Variants in KLHL41 observed in about 807,000 individuals in gnomAD.
KLHL41 encodes the protein kelch like family member 41.
KLHL41 carries 31 observed loss-of-function variants against 49.2 expected under a neutral mutation model. That is an observed-to-expected ratio of 0.63 (90% CI 0.47 to 0.85). The LOEUF (loss-of-function observed/expected upper bound fraction) is 0.85. KLHL41 is among the 40% of genes least tolerant of loss of function. The pLI, the probability that KLHL41 is intolerant of heterozygous loss-of-function variation, is 0.00. For synonymous variants in KLHL41, 218 were observed against 258.5 expected (o/e 0.84, Z 1.50); for missense variants, 663 against 726.7 (o/e 0.91, Z 1.01).
Position 169,525,591 on chromosome 2 carries a change from AGAT to A in KLHL41, c.1720_1722del (p.Asp574del). The A allele has an allele frequency of 6.3e-7, 1 of 1,599,294 alleles. No individual in the cohort carries two copies. The highest frequency in any genetic ancestry group is 1.7e-5 in the Admixed American group (1 of 59,986). ...TTTTTTTTTCCTCCATCAGGTATGA[AGAT>A]GATAAAAAAGAATGGGCTGGGATGT... On this transcript the variant is annotated inframe_deletion, in exon 6 of 6. Transcript: ENST00000284669.
chr2:169,512,934 T>C (rs920450567), intron 1 of KLHL41, among the ~76,000 whole-genome samples: 4 of 152,180 alleles, frequency 2.6e-5, no homozygotes, highest in African/African-American at 9.6e-5. Flanking sequence ...AATTAATAGA[T>C]TCATCAAATC....
In KLHL41 at chr2:169,509,702, C is replaced by A; in HGVS notation, c.-77C>A. The A allele has an allele frequency of 6.9e-7, 1 of 1,454,434 alleles. No individual in the cohort carries two copies. The highest frequency in any genetic ancestry group is 9.2e-7 in the Non-Finnish European group (1 of 1,087,256). 90.1% of individuals were successfully genotyped at this position (1,454,434 alleles called of 1,614,324 possible). On this transcript the variant is annotated 5_prime_UTR_variant, in exon 1 of 6. Transcript: ENST00000284669. ...AGCTGGGCAAAGCACACTGATCTGC[C>A]TTTTTACAGCTAGACCTGTGTGCTG...
chr2:169,525,501 C>CAAAG, intron 5 of KLHL41, 84 bp from the exon 6 acceptor site: 1 of 833,250 alleles, frequency 1.2e-6, no homozygotes, highest in Non-Finnish European at 2.0e-6. Context: ...AGGGTTTTTT[C>CAAAG]AAAGATCCAC....
Position 169,510,288 on chromosome 2 carries a change from C to G in KLHL41, c.510C>G (p.Asp170Glu). 6.2e-7 allele frequency: 1 copy of G among 1,614,018 alleles called. No individual in the cohort carries two copies. Among genetic ancestry groups the G allele is most frequent in the Non-Finnish European group, 8.5e-7 (1 of 1,180,024 alleles). The change falls in exon 1 of 6, where the codon GAC (aspartate) becomes GAG (glutamate). Residue 170 changes from aspartate (D) to glutamate (E), a missense_variant. Asp to Glu is a conservative substitution (Grantham distance 45). Transcript: ENST00000284669. The surrounding 1 kb of genome is among the most constrained non-coding windows in gnomAD (Gnocchi z 4.2). ...TTGTACAGATTTGTAAGGAAGAGGA[C>G]TTTATGCAACTGTCTCCACAGGAAC... ...DRFVQICKEE[D>E]FMQLSPQELI... is the part of the protein sequence containing the mutation.
Position 169,525,933 on chromosome 2 carries a change from G to A in KLHL41, c.*237G>A, listed in dbSNP as rs1278462132. On this transcript the variant is annotated 3_prime_UTR_variant, in exon 6 of 6. Coordinates refer to ENST00000284669, the MANE Select transcript of KLHL41 (RefSeq NM_006063.3). Reference sequence around the variant, plus strand: ...AATCTTCAGTTGAACAAATTATTTTGTGAATCTGTTTCACTCAATGGATTG... The same window carrying A: ...AATCTTCAGTTGAACAAATTATTTTATGAATCTGTTTCACTCAATGGATTG... The A allele has an allele frequency of 3.1e-5, 10 of 322,622 alleles. No individual in the cohort carries two copies. The highest frequency in any genetic ancestry group is 5.6e-5 in the Non-Finnish European group (10 of 178,030). The allele number at this position is 322,622 out of a possible 1,614,324, so 20.0% of individuals were successfully genotyped here. A position where few individuals can be genotyped will look rare whatever the true frequency, so the allele number is the denominator to read the frequency against.
At chr2:169,511,985 GTT>G (rs1393531681) in intron 1 of KLHL41, among the ~76,000 whole-genome samples, 2 of 152,160 alleles carry the variant, frequency 1.3e-5, no homozygotes, top group African/African-American at 4.8e-5. Flanking sequence ...GCTCAAAAGA[GTT>G]TGTTTAGGTC....
intron 4 of KLHL41, 32 bp downstream of exon 4, chr2:169,518,407 G>T: frequency 6.8e-7 from 1 of 1,460,264 alleles, no homozygotes; most frequent in Non-Finnish European, 9.4e-7. Context: ...TATAGCATGT[G>T]AACAACTATA....
intron 5 of KLHL41, among the ~76,000 whole-genome samples, chr2:169,524,955 C>T (rs1684278885): frequency 6.6e-6 from 1 of 152,108 alleles, no homozygotes; most frequent in Non-Finnish European, 1.5e-5. Context: ...TTCCAGGCAC[C>T]AGGCAGAGCA....
Position 169,510,297 on chromosome 2 carries a change from A to G in KLHL41, c.519A>G (p.Gln173=), listed in dbSNP as rs144844327. 4.3e-4 allele frequency: 695 copies of G among 1,614,108 alleles called. 2 individuals carry two copies. In the African/African-American group the frequency reaches 8.0e-3, roughly 19 times the overall value. ...VQICKEEDFM[Q]LSPQELISVI... ...TTTGTAAGGAAGAGGACTTTATGCA[A>G]CTGTCTCCACAGGAACTGATCTCAG... The change falls in exon 1 of 6, where the codon CAA becomes CAG. Residue 173 remains glutamine, a synonymous_variant. Transcript: ENST00000284669. The surrounding 1 kb of genome is among the most constrained non-coding windows in gnomAD (Gnocchi z 4.2).
At chr2:169,515,280 G>A (rs1203921516) in intron 3 of KLHL41, among the ~76,000 whole-genome samples, 3 of 152,026 alleles carry the variant, frequency 2.0e-5, no homozygotes, top group Non-Finnish European at 4.4e-5. Context: ...TGATCTGCCC[G>A]CTTCAGCCTC....
intron 4 of KLHL41, among the ~76,000 whole-genome samples, chr2:169,518,593 A>G (rs1018477643): frequency 2.0e-5 from 3 of 152,192 alleles, no homozygotes; most frequent in Admixed American, 6.5e-5. Context: ...TCTGGAACAC[A>G]TGACCCTTAA....
Position 169,509,795 on chromosome 2 carries a change from A to C in KLHL41, c.17A>C (p.Glu6Ala). The change falls in exon 1 of 6, where the codon GAA becomes GCA. Residue 6 changes from glutamate to alanine, a missense_variant. By Grantham distance (107) the Glu-to-Ala change is moderately radical. Coordinates refer to ENST00000284669, the MANE Select transcript of KLHL41 (RefSeq NM_006063.3). MDSQRELAEELRLYQS... is the reference protein window; with the variant it reads MDSQRALAEELRLYQS... Reference sequence around the variant, plus strand: ...TCTCACAGAATGGATTCCCAGCGGGAACTTGCAGAGGAACTGCGGCTTTAC... The same window carrying C: ...TCTCACAGAATGGATTCCCAGCGGGCACTTGCAGAGGAACTGCGGCTTTAC... 1 of 1,611,440 alleles carries C rather than the reference A, an allele frequency of 6.2e-7. No homozygotes were observed. Among genetic ancestry groups the C allele is most frequent in the Non-Finnish European group, 8.5e-7 (1 of 1,179,476 alleles).
chr2:169,512,064 A>T (rs546515361), intron 1 of KLHL41, among the ~76,000 whole-genome samples: 1 of 152,218 alleles, frequency 6.6e-6, no homozygotes, highest in Admixed American at 6.5e-5. Context: ...CAAGTATACA[A>T]TGTCATACCA....
chr2:169,520,890 A>C lies in KLHL41; in HGVS notation c.1592A>C (p.Glu531Ala). The C allele has an allele frequency of 6.2e-7, 1 of 1,613,296 alleles. No homozygotes were observed. The highest frequency in any genetic ancestry group is 8.5e-7 in the Non-Finnish European group (1 of 1,179,454). ...KWDVMTEFPQ[E>A]RSSISLVSLA... ...GATGTAATGACCGAATTTCCCCAAGAAAGAAGCTCCATCAGTTTGGTCAGC... is the reference window on the plus strand; with the variant it reads ...GATGTAATGACCGAATTTCCCCAAGCAAGAAGCTCCATCAGTTTGGTCAGC... The change falls in exon 5 of 6, where the codon GAA becomes GCA. Residue 531 changes from glutamate (E) to alanine (A), a missense_variant. Physicochemically the swap from Glu to Ala is moderately radical, Grantham distance 107. Coordinates refer to ENST00000284669, the MANE Select transcript of KLHL41 (RefSeq NM_006063.3).
chr2:169,514,512 T>C (rs1684079747), intron 1 of KLHL41, 62 bp from the exon 2 acceptor site: 1 of 1,404,808 alleles, frequency 7.1e-7, no homozygotes, highest in African/African-American at 1.4e-5. Context: ...TATAACTTTT[T>C]TTGGTGTACT....
intron 4 of KLHL41, 102 bp from the exon 5 acceptor site, chr2:169,520,759 C>A: frequency 1.0e-6 from 1 of 968,952 alleles, no homozygotes. Context: ...GGCTGCCTGG[C>A]CACTACTTGA....
chr2:169,509,829 C>A lies in KLHL41; in HGVS notation c.51C>A (p.Thr17=), dbSNP rs1367038739. The A allele has an allele frequency of 3.1e-6, 5 of 1,613,672 alleles. No homozygotes were observed. The African/African-American group carries it at 5.3e-5, about 17-fold the overall frequency. ...AGGAACTGCGGCTTTACCAATCCAC[C>A]CTTCTTCAGGATGGTCTAAAAGATC... ...LAEELRLYQS[T]LLQDGLKDLL... The change falls in exon 1 of 6, where the codon ACC becomes ACA. Residue 17 remains threonine, a synonymous_variant. Coordinates refer to ENST00000284669, the MANE Select transcript of KLHL41 (RefSeq NM_006063.3).
intron 4 of KLHL41, among the ~76,000 whole-genome samples, chr2:169,520,312 A>G (rs28718163): frequency 0.59 from 50,107 of 85,162 alleles, 13,242 homozygotes; most frequent in Middle Eastern, 0.69. Context: ...GTGTGTGTGT[A>G]TGTGTGTGTG....
chr2:169,509,792 G>C lies in KLHL41; in HGVS notation c.14G>C (p.Arg5Pro). MDSQ[R>P]ELAEELRLYQ... Reference sequence around the variant, plus strand: ...GTTTCTCACAGAATGGATTCCCAGCGGGAACTTGCAGAGGAACTGCGGCTT... The same window carrying C: ...GTTTCTCACAGAATGGATTCCCAGCCGGAACTTGCAGAGGAACTGCGGCTT... Residue 5 changes from arginine (R) to proline (P), a missense_variant, in exon 1 of 6, where the codon CGG (arginine) becomes CCG (proline). Physicochemically the swap from Arg to Pro is moderately radical, Grantham distance 103 (BLOSUM62 -2). Coordinates refer to ENST00000284669, the MANE Select transcript of KLHL41 (RefSeq NM_006063.3). The C allele has an allele frequency of 6.2e-7, 1 of 1,610,712 alleles. No individual in the cohort carries two copies. Among genetic ancestry groups the C allele is most frequent in the Non-Finnish European group, 8.5e-7 (1 of 1,179,264 alleles).
Sources: gnomAD v4.1 joint callset for allele counts (sites outside exome capture counted in the v4.1 genomes callset) on GRCh38, gnomAD v4.1.1 for gene constraint, Gnocchi (gnomAD v3.1) non-coding constraint, MANE v1.5 for transcripts, NCBI Gene and HGNC (gene_info 2026-07-23, HGNC 2026-07-21) for gene names.